Variants in ATL1 observed in about 807,000 individuals in gnomAD.
The protein encoded by ATL1 is atlastin-1.
In ATL1, 31 loss-of-function variants were observed where a neutral mutation model predicts 75.5. That is an observed-to-expected ratio of 0.41 (90% CI 0.31 to 0.55). ATL1 has a LOEUF of 0.55. Among genes scored for constraint, ATL1 ranks in the 20% least tolerant of loss-of-function variants. The pLI is 0.27. For missense variants in ATL1, 405 were observed against 662.6 expected (o/e 0.61, Z 4.27); for synonymous variants, 226 against 233.3 (o/e 0.97, Z 0.28).
intron 1 of ATL1, among the ~76,000 whole-genome samples, chr14:50,574,910 T>A (rs2038986674): frequency 2.5e-5 from 1 of 40,154 alleles, no homozygotes; most frequent in South Asian, 8.3e-4. Context: ...CAATACTGAG[T>A]GTGTGTGTGT....
chr14:50,572,963 A>G (rs570197157), intron 1 of ATL1, among the ~76,000 whole-genome samples: 86 of 152,264 alleles, frequency 5.6e-4, no homozygotes, highest in Admixed American at 2.0e-3. Flanking sequence ...ACGCAAACAC[A>G]TCCTTCTTCA....
chr14:50,576,913 A>C (rs1451801361), intron 1 of ATL1, among the ~76,000 whole-genome samples: 1 of 151,774 alleles, frequency 6.6e-6, no homozygotes, highest in Admixed American at 6.6e-5. Context: ...TATTGTGTAT[A>C]TAATATATAG....
intron 1 of ATL1, among the ~76,000 whole-genome samples, chr14:50,539,533 C>T (rs1485685508): frequency 2.0e-5 from 3 of 152,172 alleles, no homozygotes; most frequent in African/African-American, 7.2e-5. Context: ...GTTAATTAAA[C>T]GTGAGACCCA....
intron 1 of ATL1, among the ~76,000 whole-genome samples, chr14:50,587,441 C>T (rs910895771): frequency 8.6e-5 from 13 of 151,962 alleles, no homozygotes; most frequent in East Asian, 5.8e-4. Context: ...GACAGGGTCT[C>T]CCTCTATTGT....
upstream of ATL1, chr14:50,559,447 CA>C (rs2038806433): frequency 6.6e-6 from 1 of 152,048 alleles, no homozygotes; most frequent in African/African-American, 2.4e-5. Flanking sequence ...CTTTTCCTTT[CA>C]AAATTGTCTG....
At chr14:50,591,282 G>A (rs1371831489) in intron 3 of ATL1, among the ~76,000 whole-genome samples, 1 of 152,150 alleles carries the variant, frequency 6.6e-6, no homozygotes, top group Non-Finnish European at 1.5e-5. Flanking sequence ...CAGCAGATCA[G>A]CAAGTAACAT....
chr14:50,597,448 A>G (rs1273143125), intron 6 of ATL1, among the ~76,000 whole-genome samples: 1 of 152,090 alleles, frequency 6.6e-6, no homozygotes, highest in Non-Finnish European at 1.5e-5. Flanking sequence ...CACGTGTGAT[A>G]AAACTATTTA....
intron 1 of ATL1, among the ~76,000 whole-genome samples, chr14:50,568,977 C>A (rs1426648522): frequency 1.3e-5 from 2 of 152,008 alleles, no homozygotes; most frequent in Admixed American, 1.3e-4. Context: ...CCATCCTCAC[C>A]CCTTTCAGTT....
intron 1 of ATL1, among the ~76,000 whole-genome samples, chr14:50,554,727 G>A (rs1238312520): frequency 6.6e-6 from 1 of 152,216 alleles, no homozygotes; most frequent in Non-Finnish European, 1.5e-5. Context: ...GTTTAGAGAT[G>A]GGAGGTGGCA....
At chr14:50,620,811 G>C in intron 9 of ATL1, 85 bp downstream of exon 9, 1 of 1,462,402 alleles carries the variant, frequency 6.8e-7, no homozygotes, top group South Asian at 1.2e-5. Flanking sequence ...TTATAGACCC[G>C]ATAATATGGG....
intron 6 of ATL1, among the ~76,000 whole-genome samples, chr14:50,610,637 G>C (rs1236670791): frequency 6.6e-6 from 1 of 152,136 alleles, no homozygotes; most frequent in Non-Finnish European, 1.5e-5. Flanking sequence ...GTACAGAGCA[G>C]AGTGTAAATA....
At chr14:50,538,656 G>T (rs1008053331) in intron 1 of ATL1, among the ~76,000 whole-genome samples, 2 of 152,180 alleles carry the variant, frequency 1.3e-5, no homozygotes, top group Non-Finnish European at 2.9e-5. Context: ...GCTTGGCTGG[G>T]ATCCTATCTT....
intron 1 of ATL1, among the ~76,000 whole-genome samples, chr14:50,548,811 G>T (rs763691610): frequency 6.6e-5 from 10 of 152,004 alleles, no homozygotes; most frequent in Admixed American, 2.0e-4. Flanking sequence ...CACCCGGCCT[G>T]GTCTCAATTA....
chr14:50,606,316 T>G (rs1014859766), intron 6 of ATL1, among the ~76,000 whole-genome samples: 1 of 151,666 alleles, frequency 6.6e-6, no homozygotes, highest in African/African-American at 2.4e-5. Context: ...TAAAAGTATA[T>G]TTACTATTAT....
chr14:50,605,223 T>C (rs2039306058), intron 6 of ATL1, among the ~76,000 whole-genome samples: 1 of 151,862 alleles, frequency 6.6e-6, no homozygotes, highest in South Asian at 2.1e-4. Flanking sequence ...CTTAGCTGCT[T>C]TGGGACAGTG....
intron 8 of ATL1, among the ~76,000 whole-genome samples, chr14:50,619,369 A>G (rs988471146): frequency 2.6e-5 from 4 of 151,836 alleles, no homozygotes; most frequent in African/African-American, 4.8e-5. Flanking sequence ...GTGTACAGCT[A>G]ATTTTTATAT....
chr14:50,591,333 T>G (rs2039155943), intron 3 of ATL1, among the ~76,000 whole-genome samples: 1 of 152,222 alleles, frequency 6.6e-6, no homozygotes, highest in Non-Finnish European at 1.5e-5. Context: ...TCTGTTACGT[T>G]GGATTACTAG....
chr14:50,549,871 C>A (rs1425957446), intron 1 of ATL1, among the ~76,000 whole-genome samples: 3 of 152,200 alleles, frequency 2.0e-5, no homozygotes, highest in Admixed American at 1.3e-4. Flanking sequence ...AAAAGAGTTA[C>A]CCACTAACAC....
chr14:50,590,885 G>A lies in ATL1; in HGVS notation c.283-56G>A, dbSNP rs74051570. On this transcript the variant is annotated intron_variant, in intron 2 of 13. Transcript: ENST00000358385. ...GGGATAAGAATCAGAATGAATGAAT[G>A]GAAAAAACTATATACACATATCAAG... 1.1e-3 allele frequency: 1,788 copies of A among 1,569,760 alleles called. 23 individuals are homozygous for A. The African/African-American group carries it at 0.021, about 19-fold the overall frequency.
Sources: gnomAD v4.1 joint callset for allele counts (sites outside exome capture counted in the v4.1 genomes callset) on GRCh38, gnomAD v4.1.1 for gene constraint, MANE v1.5 for transcripts, NCBI Gene and HGNC (gene_info 2026-07-23, HGNC 2026-07-21) for gene names.